Variants in PRKN observed in about 807,000 individuals in gnomAD.
The protein encoded by PRKN is E3 ubiquitin-protein ligase parkin.
A neutral mutation model predicts 59.5 loss-of-function variants in PRKN; 56 were observed. The observed-to-expected ratio is 0.94, with a 90% CI of 0.76 to 1.18. The LOEUF (loss-of-function observed/expected upper bound fraction) is 1.18. PRKN is among the 50% of genes most tolerant of loss of function. The pLI, the probability that PRKN is intolerant of heterozygous loss-of-function variation, is 0.00. For synonymous variants in PRKN, 250 were observed against 222.1 expected (o/e 1.13, Z -1.12); for missense variants, 657 against 596.4 (o/e 1.10, Z -1.06).
At chr6:161,684,417 T>G (rs1451630749) in intron 7 of PRKN, among the ~76,000 whole-genome samples, 4 of 152,276 alleles carry the variant, frequency 2.6e-5, no homozygotes, top group Non-Finnish European at 4.4e-5. Context: ...GGAAAATCCA[T>G]GTATTGGCTC....
chr6:162,677,459 C>T (rs551340505), intron 1 of PRKN, among the ~76,000 whole-genome samples: 26 of 91,350 alleles, frequency 2.8e-4, no homozygotes, highest in African/African-American at 1.2e-3. Flanking sequence ...GTGAAAAGCA[C>T]TGTGGAGAAA....
intron 9 of PRKN, among the ~76,000 whole-genome samples, chr6:161,519,828 G>A (rs1008273603): frequency 4.6e-5 from 7 of 152,050 alleles, no homozygotes; most frequent in Admixed American, 2.0e-4. Context: ...GGCCTTCAGC[G>A]CATTCCTCCA....
At chr6:161,636,927 T>C (rs1159766535) in intron 7 of PRKN, among the ~76,000 whole-genome samples, 2 of 152,136 alleles carry the variant, frequency 1.3e-5, no homozygotes, top group Admixed American at 6.5e-5. Context: ...GGTCTGTTCA[T>C]GTTCATTTTA....
intron 2 of PRKN, among the ~76,000 whole-genome samples, chr6:162,366,516 T>C (rs546485171): frequency 3.3e-5 from 5 of 152,194 alleles, no homozygotes; most frequent in South Asian, 2.1e-4. Context: ...ATCACCCCAA[T>C]AGAAACTTGC....
At chr6:162,685,458 C>A in intron 1 of PRKN, among the ~76,000 whole-genome samples, 1 of 151,742 alleles carries the variant, frequency 6.6e-6, no homozygotes, top group East Asian at 1.9e-4. Flanking sequence ...ATATGAAAAG[C>A]ACTCCAATTC....
At chr6:162,697,002 T>C (rs1777995608) in intron 1 of PRKN, among the ~76,000 whole-genome samples, 1 of 152,204 alleles carries the variant, frequency 6.6e-6, no homozygotes, top group African/African-American at 2.4e-5. Flanking sequence ...GCTTCCTTAA[T>C]AGCAAATTAA....
At chr6:162,053,688 A>G (rs556121552) in intron 5 of PRKN, among the ~76,000 whole-genome samples, 3 of 152,286 alleles carry the variant, frequency 2.0e-5, no homozygotes, top group African/African-American at 4.8e-5. Context: ...AAAAAAAATC[A>G]ATTTTGAATG....
chr6:161,685,431 T>C (rs1390691969), intron 7 of PRKN, among the ~76,000 whole-genome samples: 1 of 152,192 alleles, frequency 6.6e-6, no homozygotes, highest in Non-Finnish European at 1.5e-5. Context: ...TGATAGATAG[T>C]GTTTTCTTAT....
chr6:162,345,434 T>A (rs745938751), intron 2 of PRKN, among the ~76,000 whole-genome samples: 2 of 152,198 alleles, frequency 1.3e-5, no homozygotes, highest in Non-Finnish European at 2.9e-5. Context: ...GATTGCATAT[T>A]GTGGTGACTG....
chr6:161,839,477 G>A (rs1177585206), intron 6 of PRKN, among the ~76,000 whole-genome samples: 1 of 152,138 alleles, frequency 6.6e-6, no homozygotes, highest in East Asian at 1.9e-4. Flanking sequence ...GCTCCTGACA[G>A]GGAGCACAGC....
chr6:162,261,178 C>A lies in PRKN; in HGVS notation c.412+1347G>T, dbSNP rs530756573. Among the ~76,000 whole-genome samples, 58 of 152,176 alleles carry A rather than the reference C, an allele frequency of 3.8e-4. 1 individual carries two copies. Among genetic ancestry groups the A allele is most frequent in the Non-Finnish European group, 7.2e-4 (49 of 68,020 alleles). ...TCAAGGATCAGAGTCTCCAGAGACT[C>A]TGTCCTCCTCATCCTAGTAAGGAGA... On this transcript the variant is annotated intron_variant, in intron 3 of 11. Transcript: ENST00000366898.
At chr6:161,870,565 T>A (rs1052517749) in intron 6 of PRKN, among the ~76,000 whole-genome samples, 3 of 152,190 alleles carry the variant, frequency 2.0e-5, no homozygotes, top group Non-Finnish European at 4.4e-5. Context: ...ACGACTTATT[T>A]ACTTCTCTAC....
chr6:162,173,551 A>T (rs536496492), intron 4 of PRKN, among the ~76,000 whole-genome samples: 170 of 144,220 alleles, frequency 1.2e-3, no homozygotes, highest in East Asian at 9.4e-3. Flanking sequence ...TTTTTTTTTT[A>T]AATTAAACAG....
At chr6:162,712,035 G>C (rs1778557384) in intron 1 of PRKN, among the ~76,000 whole-genome samples, 1 of 152,130 alleles carries the variant, frequency 6.6e-6, no homozygotes, top group South Asian at 2.1e-4. Context: ...GGATTTTATT[G>C]ATTGTTGCCC....
intron 2 of PRKN, among the ~76,000 whole-genome samples, chr6:162,408,558 T>A (rs1288391070): frequency 1.3e-5 from 2 of 152,152 alleles, no homozygotes; most frequent in Non-Finnish European, 2.9e-5. Flanking sequence ...CACTATATTC[T>A]ATCCATAATT....
intron 5 of PRKN, among the ~76,000 whole-genome samples, chr6:162,014,342 C>G (rs905141326): frequency 6.6e-6 from 1 of 152,160 alleles, no homozygotes; most frequent in African/African-American, 2.4e-5. Flanking sequence ...GGCTTTTTTA[C>G]GTACTCACAC....
chr6:162,431,552 T>C (rs946390656), intron 2 of PRKN, among the ~76,000 whole-genome samples: 1 of 150,872 alleles, frequency 6.6e-6, no homozygotes, highest in Admixed American at 6.6e-5. Context: ...AGCAAGACTC[T>C]GTCTCAAAAA....
At chr6:162,069,536 C>G (rs1778486377) in intron 4 of PRKN, among the ~76,000 whole-genome samples, 1 of 152,240 alleles carries the variant, frequency 6.6e-6, no homozygotes, top group South Asian at 2.1e-4. Context: ...CAAACAGAAA[C>G]ATGTCTTGCT....
intron 2 of PRKN, among the ~76,000 whole-genome samples, chr6:162,355,073 AAGACAGTCTACAG>A (rs1784792301): frequency 6.6e-6 from 1 of 151,974 alleles, no homozygotes; most frequent in African/African-American, 2.4e-5. Context: ...CAAAGCCTAT[AAGACAGTCTACAG>A]GTTTGAATTT....
Sources: allele counts gnomAD v4.1 joint callset (sites outside exome capture counted in the v4.1 genomes callset), GRCh38; gene constraint gnomAD v4.1.1; transcripts MANE v1.5; gene names NCBI Gene and HGNC (gene_info 2026-07-23, HGNC 2026-07-21).